BRD1: variants seen among roughly 807,000 people sequenced by gnomAD.
The protein encoded by BRD1 is bromodomain-containing protein 1.
BRD1 carries 24 observed loss-of-function variants against 107.7 expected under a neutral mutation model. The ratio of observed to expected loss-of-function variants is 0.22; its 90% CI spans 0.16 to 0.31. The LOEUF is 0.31. BRD1 is among the 10% of genes least tolerant of loss of function. The pLI is 1.00. For missense variants in BRD1, 1,279 were observed against 1,638.6 expected, an observed-to-expected ratio of 0.78 and a Z score of 3.79; for synonymous variants, 744 against 686.1, an observed-to-expected ratio of 1.08 and a Z score of -1.32.
chr22:49,814,539 G>A (rs150750253), intron 2 of BRD1, among the ~76,000 whole-genome samples: 71 of 152,376 alleles, frequency 4.7e-4, no homozygotes, highest in Middle Eastern at 3.4e-3. Flanking sequence ...GATCCTCTCC[G>A]ACGGGGCAGG....
Position 49,824,688 on chromosome 22 carries a change from C to A in BRD1, c.-14-357G>T. On this transcript the variant is annotated intron_variant, in intron 1 of 12. Transcript: ENST00000404760. This position sits in a 1 kb window ranked among gnomAD's most constrained non-coding sequence, Gnocchi z 5.9. ...CGGCCCAGAGCCCACAGTTGCAGGACTTTCCCAGCATGCAGGCGGTCCCCC... is the reference window on the plus strand; with the variant it reads ...CGGCCCAGAGCCCACAGTTGCAGGAATTTCCCAGCATGCAGGCGGTCCCCC... 1 of 1,093,504 alleles carries A rather than the reference C, an allele frequency of 9.1e-7. No homozygotes were observed. Among genetic ancestry groups the A allele is most frequent in the Non-Finnish European group, 1.1e-6 (1 of 895,486 alleles). 67.7% of individuals were successfully genotyped at this position (1,093,504 alleles called of 1,614,324 possible).
chr22:49,776,247 G>C, intron 10 of BRD1, 88 bp from the exon 11 acceptor site: 6 of 1,192,388 alleles, frequency 5.0e-6, no homozygotes, highest in Non-Finnish European at 7.2e-6. Context: ...CAACAGGGTG[G>C]GTCCCCCGAG....
intron 2 of BRD1, among the ~76,000 whole-genome samples, chr22:49,822,726 G>C (rs1315999487): frequency 6.6e-6 from 1 of 151,886 alleles, no homozygotes; most frequent in Non-Finnish European, 1.5e-5. Context: ...AAAAAACATA[G>C]AAAACTACAG....
intron 2 of BRD1, chr22:49,806,619 G>C (rs2059749298): frequency 6.6e-6 from 1 of 152,288 alleles, no homozygotes; most frequent in Non-Finnish European, 1.5e-5. Context: ...GGTGGACTGA[G>C]ATGCCGGCAA....
Position 49,823,037 on chromosome 22 carries a change from C to T in BRD1, c.1281G>A (p.Arg427=). Residue 427 remains arginine (R), a synonymous_variant, in exon 2 of 13, where the codon AGG becomes AGA. Transcript: ENST00000404760. ...CTTTCTTAGCCTTTTTTGCCTTCTT[C>T]CTGACCTTGGATGTGGACCTGACCG... ...VKTVRSTSKV[R]KKAKKAKKAL... is the part of the protein sequence containing the mutation. 1 of 1,614,218 alleles carries T rather than the reference C, an allele frequency of 6.2e-7. No homozygotes were observed. The highest frequency in any genetic ancestry group is 8.5e-7 in the Non-Finnish European group (1 of 1,180,046).
At position 49,794,310 on chromosome 22, in the gene BRD1, C is replaced by T. The variant is rs1224566902; in HGVS notation, c.2099-16G>A. 1.3e-6 allele frequency: 2 copies of T among 1,596,580 alleles called. No homozygotes were observed. The highest frequency in any genetic ancestry group is 1.7e-5 in the Admixed American group (1 of 59,230). Reference sequence around the variant, plus strand: ...AACCTGTCCACTGAACCAAAGGACACATGCTGTCAGTCATCAGGTCCCACG... The same window carrying T: ...AACCTGTCCACTGAACCAAAGGACATATGCTGTCAGTCATCAGGTCCCACG... On this transcript the variant is annotated splice_polypyrimidine_tract_variant and intron_variant, in intron 6 of 12. Coordinates refer to ENST00000404760, the MANE Select transcript of BRD1 (RefSeq NM_001304808.3).
chr22:49,800,908 G>A (rs1334586090), intron 3 of BRD1, among the ~76,000 whole-genome samples: 1 of 142,734 alleles, frequency 7.0e-6, no homozygotes, highest in African/African-American at 2.6e-5. Flanking sequence ...GCTAGGCGAC[G>A]GTCAGGTTAA....
chr22:49,778,595 G>A (rs1043171114), intron 8 of BRD1, among the ~76,000 whole-genome samples: 1 of 152,226 alleles, frequency 6.6e-6, no homozygotes, highest in Non-Finnish European at 1.5e-5. Flanking sequence ...TCCCCCATGG[G>A]AGTCACAACG....
intron 1 of BRD1, among the ~76,000 whole-genome samples, chr22:49,825,124 C>T (rs1273976158): frequency 6.6e-6 from 1 of 152,194 alleles, no homozygotes; most frequent in Non-Finnish European, 1.5e-5. Context: ...GGGCACTCCT[C>T]AAGCCCCACT....
intron 2 of BRD1, among the ~76,000 whole-genome samples, chr22:49,807,396 T>G (rs979374989): frequency 2.6e-5 from 4 of 152,116 alleles, no homozygotes; most frequent in Non-Finnish European, 5.9e-5. Context: ...ATCAAAACAG[T>G]GCGGTGCTGA....
chr22:49,800,562 C>A (rs929941961), intron 3 of BRD1, among the ~76,000 whole-genome samples: 2 of 152,180 alleles, frequency 1.3e-5, no homozygotes, highest in Non-Finnish European at 2.9e-5. Context: ...AAGAAATCTC[C>A]TCATCACCAG....
At chr22:49,785,386 C>T (rs1490999905) in intron 8 of BRD1, among the ~76,000 whole-genome samples, 1 of 152,256 alleles carries the variant, frequency 6.6e-6, no homozygotes, top group Non-Finnish European at 1.5e-5. Context: ...AGACGTGAAA[C>T]CCCGAGGAAG....
rs749054744 is a variant in BRD1 at position 49,822,994 on chromosome 22, C to T, written c.1324G>A (p.Ala442Thr). The T allele has an allele frequency of 1.9e-6, 3 of 1,614,248 alleles. No homozygotes were observed. Among genetic ancestry groups the T allele is most frequent in the South Asian group, 1.1e-5 (1 of 91,080 alleles). Residue 442 changes from alanine (A) to threonine (T), a missense_variant, in exon 2 of 13, where the codon GCG becomes ACG. Physicochemically the swap from Ala to Thr is moderately conservative, Grantham distance 58. This residue lies in a region of BRD1 where 87 missense variants were observed against 77.1 expected (regional missense o/e 1.13). Coordinates refer to ENST00000404760, the MANE Select transcript of BRD1 (RefSeq NM_001304808.3). The stretch of plus-strand genomic sequence containing the variant: ...GGAGCGCACACGGTCGGCAGGACCG[C>T]GCAGGGCTCAGCCAGAGCTTTCTTA... ...KAKKALAEPC[A>T]VLPTVCAPYI... is the part of the protein sequence containing the mutation.
At position 49,787,407 on chromosome 22, in the gene BRD1, C is replaced by T. The variant is rs542496993; in HGVS notation, c.2840G>A (p.Gly947Glu). Residue 947 changes from glycine (G) to glutamate (E), a missense_variant, in exon 8 of 13, where the codon GGA (glycine) becomes GAA (glutamate). Coordinates refer to ENST00000404760, the MANE Select transcript of BRD1 (RefSeq NM_001304808.3). ...GDSEVEEESP[G>E]KRLDAGLTNG... ...GCATTTACCTGCGTCCAGGCGCTTT[C>T]CTGGGGACTCCTCCTCCACCTCGGA... 3 of 1,608,966 alleles carry T rather than the reference C, an allele frequency of 1.9e-6. No individual in the cohort carries two copies. The highest frequency in any genetic ancestry group is 1.1e-5 in the South Asian group (1 of 90,988).
Position 49,804,376 on chromosome 22 carries a change from T to C in BRD1, c.1368-16A>G. ...CCTATTTAACCTAAAACACAAACAC[T>C]CAGTGTATCTTTGAAGCAGTACATT... On this transcript the variant is annotated splice_polypyrimidine_tract_variant and intron_variant, in intron 2 of 12. Coordinates refer to ENST00000404760, the MANE Select transcript of BRD1 (RefSeq NM_001304808.3). 2 of 1,590,592 alleles carry C rather than the reference T, an allele frequency of 1.3e-6. No individual in the cohort carries two copies. The highest frequency in any genetic ancestry group is 1.7e-6 in the Non-Finnish European group (2 of 1,164,618).
rs1340673159 is a variant in BRD1, at chr22:49,803,872, C to A, written c.1524+332G>T. Among the ~76,000 whole-genome samples, 1 of 152,248 alleles carries A rather than the reference C, an allele frequency of 6.6e-6. No homozygotes were observed. Among genetic ancestry groups the A allele is most frequent in the Non-Finnish European group, 1.5e-5 (1 of 68,054 alleles). On this transcript the variant is annotated intron_variant, in intron 3 of 12. Coordinates refer to ENST00000404760, the MANE Select transcript of BRD1 (RefSeq NM_001304808.3). This position sits in a 1 kb window ranked among gnomAD's most constrained non-coding sequence, Gnocchi z 4.4. ...TCCCCAGCCCGGACGCTCATGCAGC[C>A]ACAGCATAACACATCCCTGAGCATC...
chr22:49,815,694 T>A lies in BRD1; in HGVS notation c.1367+7257A>T, dbSNP rs531167695. The stretch of plus-strand genomic sequence containing the variant: ...ACTAAAACCCAGAAAACCAACAAAG[T>A]CACAGGAGGGCAGGAATGAGTCAGT... On this transcript the variant is annotated intron_variant, in intron 2 of 12. Transcript: ENST00000404760. Among the ~76,000 whole-genome samples the A allele has an allele frequency of 3.5e-3, 534 of 152,188 alleles. 2 individuals are homozygous for A. The highest frequency in any genetic ancestry group is 5.1e-3 in the Non-Finnish European group (346 of 68,002).
chr22:49,779,907 G>A lies in BRD1; in HGVS notation c.2858-2094C>T, dbSNP rs1014932136. On this transcript the variant is annotated intron_variant, in intron 8 of 12. Coordinates refer to ENST00000404760, the MANE Select transcript of BRD1 (RefSeq NM_001304808.3). ...GGCCCGGAGAGGGGTCTGCCAACGC[G>A]TGTGACCCGTCTCCAGAGAGCAGCC... 5.3e-5 allele frequency among the ~76,000 whole-genome samples: 8 copies of A among 152,128 alleles called. No individual in the cohort carries two copies. The East Asian group carries it at 1.2e-3, about 22-fold the overall frequency.
Position 49,787,666 on chromosome 22 carries a change from C to A in BRD1, c.2581G>T (p.Asp861Tyr). 1 of 1,550,656 alleles carries A rather than the reference C, an allele frequency of 6.4e-7. No homozygotes were observed. The highest frequency in any genetic ancestry group is 8.7e-7 in the Non-Finnish European group (1 of 1,146,988). The change falls in exon 8 of 13, where the codon GAT (aspartate) becomes TAT (tyrosine). Residue 861 changes from aspartate (D) to tyrosine (Y), a missense_variant. This residue lies in a region of BRD1 where 406 missense variants were observed against 519.4 expected (regional missense o/e 0.78). Coordinates refer to ENST00000404760, the MANE Select transcript of BRD1 (RefSeq NM_001304808.3). ...PPEPTRASSG[D>Y]VPAAAASAVA... is the part of the protein sequence containing the mutation. Reference sequence around the variant, plus strand: ...GCGGAGGCCGCCGCCGCCGGCACATCGCCACTACTGGCGCGGGTGGGCTCT... The same window carrying A: ...GCGGAGGCCGCCGCCGCCGGCACATAGCCACTACTGGCGCGGGTGGGCTCT...
Sources: allele counts gnomAD v4.1 joint callset (sites outside exome capture counted in the v4.1 genomes callset), GRCh38; gene constraint gnomAD v4.1.1; regional missense constraint gnomAD v4.1.1; non-coding constraint Gnocchi (gnomAD v3.1); transcripts MANE v1.5; gene names NCBI Gene and HGNC (gene_info 2026-07-23, HGNC 2026-07-21).